The following CMIP variants were observed in gnomAD, a reference collection of about 807,000 sequenced individuals.
CMIP encodes the protein c-Maf inducing protein.
CMIP carries 13 observed loss-of-function variants against 97.3 expected under a neutral mutation model. The observed-to-expected ratio is 0.13, with a 90% CI of 0.09 to 0.21. The LOEUF is 0.21. CMIP is among the 10% of genes least tolerant of loss of function. CMIP has a pLI of 1.00. For missense variants in CMIP, 847 were observed against 1,024.9 expected, an observed-to-expected ratio of 0.83 and a Z score of 2.37; for synonymous variants, 538 against 436.3, an observed-to-expected ratio of 1.23 and a Z score of -2.91.
At chr16:81,575,673 G>C (rs1208010435) in intron 1 of CMIP, among the ~76,000 whole-genome samples, 1 of 152,210 alleles carries the variant, frequency 6.6e-6, no homozygotes, top group Non-Finnish European at 1.5e-5. Flanking sequence ...CGGGACAGCA[G>C]TGACATTGTA....
Position 81,506,871 on chromosome 16 carries a change from C to T in CMIP, c.300+61330C>T, listed in dbSNP as rs1160818294. 3.4e-5 allele frequency among the ~76,000 whole-genome samples: 5 copies of T among 148,370 alleles called. No homozygotes were observed. The East Asian group carries it at 8.0e-4, about 24-fold the overall frequency. On this transcript the variant is annotated intron_variant, in intron 1 of 20. Transcript: ENST00000537098. The stretch of plus-strand genomic sequence containing the variant: ...AGTGAGCTGAGATCACGCCACTCCA[C>T]TCCAGCCTGGATGACAGAGCGAGAC...
chr16:81,591,598 C>T (rs2091467722), intron 1 of CMIP, among the ~76,000 whole-genome samples: 5 of 152,080 alleles, frequency 3.3e-5, no homozygotes, highest in Admixed American at 3.3e-4. Context: ...TGTGTGATTG[C>T]ATTTATAACA....
chr16:81,506,410 C>T (rs1282141400), intron 1 of CMIP, among the ~76,000 whole-genome samples: 1 of 152,220 alleles, frequency 6.6e-6, no homozygotes, highest in African/African-American at 2.4e-5. Flanking sequence ...CAGTTATGCT[C>T]AGCCATTTCA....
At chr16:81,688,964 A>G (rs534692653) in intron 10 of CMIP, among the ~76,000 whole-genome samples, 6 of 152,338 alleles carry the variant, frequency 3.9e-5, no homozygotes, top group East Asian at 3.9e-4. Flanking sequence ...AGCTTCATCC[A>G]TGTCCCTACA....
chr16:81,445,129 C>T lies in CMIP; in HGVS notation c.-113C>T, dbSNP rs1444668870. Reference sequence around the variant, plus strand: ...CGGGCGCCCCCAGCCCCACACCCCCCCACCTTCCCGGGGGGTGGGGGGGTG... The same window carrying T: ...CGGGCGCCCCCAGCCCCACACCCCCTCACCTTCCCGGGGGGTGGGGGGGTG... On this transcript the variant is annotated 5_prime_UTR_variant, in exon 1 of 21. Coordinates refer to ENST00000537098, the MANE Select transcript of CMIP (RefSeq NM_198390.3). The T allele has an allele frequency of 2.0e-6, 1 of 507,444 alleles. No individual in the cohort carries two copies. The highest frequency in any genetic ancestry group is 3.2e-6 in the Non-Finnish European group (1 of 316,440). The allele number at this position is 507,444 out of a possible 1,614,324, so 31.4% of individuals were successfully genotyped here.
At position 81,476,276 on chromosome 16, in the gene CMIP, T is replaced by C. The variant is rs1907911997; in HGVS notation, c.300+30735T>C. ...AGGATGAAGTTCTCATCTTCAAATT[T>C]CTCCCCATAGATGGACTTGCCACCA... On this transcript the variant is annotated intron_variant, in intron 1 of 20. Transcript: ENST00000537098. The C allele has an allele frequency of 1.9e-6, 3 of 1,554,146 alleles. No homozygotes were observed. In the Admixed American group the frequency reaches 5.0e-5, roughly 26 times the overall value.
At chr16:81,641,493 C>T (rs75052535) in intron 3 of CMIP, among the ~76,000 whole-genome samples, 1,760 of 152,238 alleles carry the variant, frequency 0.012, 15 homozygotes, top group Middle Eastern at 0.027. Context: ...GCCTGAAGAG[C>T]CAGGTAGGAT....
intron 3 of CMIP, among the ~76,000 whole-genome samples, chr16:81,651,806 G>C (rs2092431809): frequency 6.6e-6 from 1 of 152,198 alleles, no homozygotes; most frequent in Admixed American, 6.5e-5. Context: ...GAGAGCCCGA[G>C]CACATGTTTC....
intron 1 of CMIP, among the ~76,000 whole-genome samples, chr16:81,584,773 CCT>C (rs2091353213): frequency 6.6e-6 from 1 of 152,182 alleles, no homozygotes; most frequent in Non-Finnish European, 1.5e-5. Context: ...GGAGGAATCC[CCT>C]GAGACCCTAG....
intron 1 of CMIP, among the ~76,000 whole-genome samples, chr16:81,493,208 C>T (rs1045502010): frequency 6.6e-6 from 1 of 152,116 alleles, no homozygotes; most frequent in Non-Finnish European, 1.5e-5. Flanking sequence ...ATGGAGCCAC[C>T]ACACCGAATT....
At chr16:81,458,588 C>G (rs959206603) in intron 1 of CMIP, among the ~76,000 whole-genome samples, 7 of 152,176 alleles carry the variant, frequency 4.6e-5, no homozygotes, top group Admixed American at 4.6e-4. Context: ...AAACCCCCTG[C>G]CTCCACTTTG....
At chr16:81,671,827 A>G in intron 8 of CMIP, 139 bp from the exon 9 acceptor site, 1 of 567,936 alleles carries the variant, frequency 1.8e-6, no homozygotes, top group East Asian at 2.9e-5. Context: ...TTGCACAGTG[A>G]AGGCTCTCAG....
rs2092441609 is a variant in CMIP, at chr16:81,652,672, C to A, written c.639+308C>A. 6.6e-6 allele frequency among the ~76,000 whole-genome samples: 1 copy of A among 152,160 alleles called. No homozygotes were observed. The highest frequency in any genetic ancestry group is 2.1e-4 in the South Asian group (1 of 4,830). ...CCCTAGCAGTGGCCCACATGAGCTC[C>A]AGGGGTCCAGGGGGATTCAGCTTTC... On this transcript the variant is annotated intron_variant, in intron 4 of 20. Coordinates refer to ENST00000537098, the MANE Select transcript of CMIP (RefSeq NM_198390.3). This position sits in a 1 kb window ranked among gnomAD's most constrained non-coding sequence, Gnocchi z 5.2.
At chr16:81,694,826 A>G (rs926695852) in intron 13 of CMIP, among the ~76,000 whole-genome samples, 3 of 152,190 alleles carry the variant, frequency 2.0e-5, no homozygotes, top group Admixed American at 6.5e-5. Flanking sequence ...AAAACACCGC[A>G]ATTCTAAACA....
intron 15 of CMIP, among the ~76,000 whole-genome samples, chr16:81,701,256 G>C (rs1907366712): frequency 1.3e-5 from 2 of 152,196 alleles, no homozygotes; most frequent in South Asian, 4.1e-4. Flanking sequence ...CCAGGGCTCT[G>C]AGCCATTCCG....
intron 1 of CMIP, among the ~76,000 whole-genome samples, chr16:81,567,126 A>G (rs967986098): frequency 1.3e-5 from 2 of 152,246 alleles, no homozygotes; most frequent in African/African-American, 4.8e-5. Context: ...TCCTTCAGCC[A>G]TACAGTTTCT....
chr16:81,466,913 T>C (rs1238462218), intron 1 of CMIP, among the ~76,000 whole-genome samples: 1 of 152,224 alleles, frequency 6.6e-6, no homozygotes, highest in Non-Finnish European at 1.5e-5. Flanking sequence ...CCAGGAGTTA[T>C]GTGGCAGGGC....
At chr16:81,597,399 C>T (rs1272717392) in intron 1 of CMIP, among the ~76,000 whole-genome samples, 1 of 152,160 alleles carries the variant, frequency 6.6e-6, no homozygotes, top group East Asian at 1.9e-4. Flanking sequence ...GGCGTGAAGT[C>T]CAAAGGTCTT....
chr16:81,664,223 AG>A (rs2092578937), intron 6 of CMIP, 45 bp from the exon 7 acceptor site: 1 of 1,545,446 alleles, frequency 6.5e-7, no homozygotes, highest in Non-Finnish European at 8.8e-7. Context: ...GGCTGTGTTC[AG>A]AACATTCTTA....
Sources: allele counts gnomAD v4.1 joint callset (sites outside exome capture counted in the v4.1 genomes callset), GRCh38; gene constraint gnomAD v4.1.1; non-coding constraint Gnocchi (gnomAD v3.1); transcripts MANE v1.5; gene names NCBI Gene and HGNC (gene_info 2026-07-23, HGNC 2026-07-21).